The following MZT2A variants were observed in gnomAD, a reference collection of about 807,000 sequenced individuals.
MZT2A encodes mitotic-spindle organizing protein 2A.
Under a neutral mutation model 12.4 loss-of-function variants are expected in MZT2A, and 8 were observed. The ratio of observed to expected loss-of-function variants is 0.64; its 90% CI spans 0.38 to 1.16. MZT2A has a LOEUF of 1.16. Ranked by LOEUF, MZT2A falls within the 50% of genes most tolerant of loss-of-function variation. The probability of loss-of-function intolerance (pLI) is 0.01; values close to 1 mark genes in which losing one functional copy is unlikely to be tolerated. For synonymous variants in MZT2A, 88 were observed against 107.5 expected (o/e 0.82, Z 1.12); for missense variants, 181 against 223.6 (o/e 0.81, Z 1.22).
chr2:131,474,216 G>C (rs1234898337), intron 2 of MZT2A, among the ~76,000 whole-genome samples: 1 of 151,340 alleles, frequency 6.6e-6, no homozygotes, highest in Admixed American at 6.6e-5. Flanking sequence ...TCCTGCCTCG[G>C]CATCCAGAGT....
intron 2 of MZT2A, chr2:131,490,831 G>A: frequency 1.9e-6 from 3 of 1,550,030 alleles, no homozygotes; most frequent in Admixed American, 3.9e-5. Context: ...CAGGCTGCGG[G>A]CTGGAGGAAA....
downstream of MZT2A, chr2:131,483,926 A>G: frequency 1.4e-6 from 2 of 1,419,336 alleles, no homozygotes; most frequent in Non-Finnish European, 1.8e-6. Flanking sequence ...GTGTGCCTTA[A>G]TATAAAAAAA....
chr2:131,473,388 G>T (rs983789997), intron 2 of MZT2A, among the ~76,000 whole-genome samples: 4 of 148,294 alleles, frequency 2.7e-5, no homozygotes, highest in Non-Finnish European at 5.9e-5. Flanking sequence ...CCACAGAAAA[G>T]TCTCAACTCC....
intron 2 of MZT2A, among the ~76,000 whole-genome samples, chr2:131,489,192 CTTTCT>C (rs1308701895): frequency 6.6e-6 from 1 of 150,418 alleles, no homozygotes; most frequent in African/African-American, 2.5e-5. Flanking sequence ...TTTTCTTTTC[CTTTCT>C]TTTCTTTTTT....
downstream of MZT2A, chr2:131,480,372 C>G (rs1401156911): frequency 6.2e-7 from 1 of 1,608,446 alleles, no homozygotes; most frequent in African/African-American, 1.4e-5. Flanking sequence ...GTACACCAAC[C>G]TCAATCGCCT....
chr2:131,480,967 G>A (rs907667726), downstream of MZT2A, among the ~76,000 whole-genome samples: 3 of 151,648 alleles, frequency 2.0e-5, no homozygotes, highest in African/African-American at 7.3e-5. Flanking sequence ...GCAGTGGTGC[G>A]ATCTCAGCTA....
chr2:131,492,057 T>C (rs1306422647), intron 1 of MZT2A, 33 bp from the exon 2 acceptor site: 1 of 1,556,746 alleles, frequency 6.4e-7, no homozygotes, highest in Non-Finnish European at 8.7e-7. Flanking sequence ...CGGTGAGCCC[T>C]CTCCGCCCGG....
At chr2:131,475,051 C>G (rs1413597996) in intron 2 of MZT2A, among the ~76,000 whole-genome samples, 3 of 152,136 alleles carry the variant, frequency 2.0e-5, no homozygotes, top group Non-Finnish European at 4.4e-5. Flanking sequence ...ACCTCTGCCT[C>G]CCAGGTTCAA....
downstream of MZT2A, among the ~76,000 whole-genome samples, chr2:131,481,561 A>C (rs1294998808): frequency 6.6e-6 from 1 of 151,588 alleles, no homozygotes; most frequent in African/African-American, 2.4e-5. Flanking sequence ...CAGCCTCCCA[A>C]GTAGCTGGGA....
At chr2:131,486,618 TAA>T (rs199578072) in intron 2 of MZT2A, 1,895 of 151,244 alleles carry the variant, frequency 0.013, 33 homozygotes, top group African/African-American at 0.036. Flanking sequence ...TTTTTTTTTT[TAA>T]GAGTGGTGGG....
intron 3 of MZT2A, among the ~76,000 whole-genome samples, chr2:131,471,215 C>T (rs397839688): frequency 2.9e-5 from 4 of 139,958 alleles, no homozygotes; most frequent in South Asian, 4.2e-4. Context: ...AGCAATGAGA[C>T]GCTGCCCAGC....
downstream of MZT2A, chr2:131,483,886 A>G (rs1381224432): frequency 2.2e-6 from 3 of 1,360,442 alleles, no homozygotes; most frequent in African/African-American, 4.5e-5. Flanking sequence ...CTGTGGCACA[A>G]CCAGGACCGG....
intron 2 of MZT2A, among the ~76,000 whole-genome samples, chr2:131,473,082 A>G (rs10202430): frequency 0.11 from 16,847 of 152,004 alleles, 3,148 homozygotes; most frequent in African/African-American, 0.38. Context: ...CTACCTCCCC[A>G]TGGGAGGACA....
downstream of MZT2A, chr2:131,482,700 G>A (rs1479892615): frequency 2.5e-6 from 4 of 1,614,168 alleles, no homozygotes; most frequent in Middle Eastern, 1.6e-4. Flanking sequence ...TATGCCAAGC[G>A]GGCCTTTGTG....
upstream of MZT2A, chr2:131,493,241 C>G (rs1679424138): frequency 1.5e-6 from 2 of 1,353,026 alleles, no homozygotes; most frequent in Admixed American, 3.5e-5. Context: ...CCCCAGGACT[C>G]GGGCGGCCCG....
chr2:131,484,861 A>T (rs1678993866), intron 2 of MZT2A, among the ~76,000 whole-genome samples: 2 of 152,182 alleles, frequency 1.3e-5, no homozygotes, highest in Admixed American at 1.3e-4. Context: ...TTTCCTTCTG[A>T]ACACCAGAGG....
At chr2:131,492,933 T>C (rs1679409076), upstream of MZT2A, 9 of 1,522,798 alleles carry the variant, frequency 5.9e-6, no homozygotes, top group Non-Finnish European at 8.0e-6. Context: ...CCCGCACTCC[T>C]GCCTCGCCAT....
downstream of MZT2A, chr2:131,482,948 C>T (rs1029728784): frequency 1.2e-5 from 19 of 1,531,892 alleles, no homozygotes; most frequent in Admixed American, 4.0e-5. Flanking sequence ...CTCTGTGTGT[C>T]GTGCAGCTTA....
chr2:131,491,720 G>C (rs2104743504), intron 2 of MZT2A, 156 bp downstream of exon 2: 1 of 947,914 alleles, frequency 1.1e-6, no homozygotes, highest in South Asian at 1.7e-5. Context: ...CGAAGCCCAG[G>C]AGCAGAGCCC....
Sources: allele counts gnomAD v4.1 joint callset (sites outside exome capture counted in the v4.1 genomes callset), GRCh38; gene constraint gnomAD v4.1.1; transcripts MANE v1.5; gene names NCBI Gene and HGNC (gene_info 2026-07-23, HGNC 2026-07-21).